CPSF7: variants seen among roughly 807,000 people sequenced by gnomAD.
CPSF7 encodes the protein cleavage and polyadenylation specificity factor subunit 7.
Under a neutral mutation model 44.3 loss-of-function variants are expected in CPSF7, and 1 was observed. That is an observed-to-expected ratio of 0.02 (90% CI 0.01 to 0.11). The LOEUF (loss-of-function observed/expected upper bound fraction) is 0.11, where lower values mean the gene tolerates loss of function less well. Among genes scored for constraint, CPSF7 ranks in the 10% least tolerant of loss-of-function variants. The probability of loss-of-function intolerance (pLI) is 1.00; values close to 1 mark genes in which losing one functional copy is unlikely to be tolerated. For synonymous variants in CPSF7, 202 were observed against 222.0 expected, an observed-to-expected ratio of 0.91 and a Z score of 0.80; for missense variants, 443 against 607.2, an observed-to-expected ratio of 0.73 and a Z score of 2.84.
chr11:61,409,395 C>T (rs925812270), intron 9 of CPSF7, among the ~76,000 whole-genome samples: 13 of 151,434 alleles, frequency 8.6e-5, no homozygotes, highest in African/African-American at 2.4e-4. Flanking sequence ...TGCTTGAACC[C>T]GGGAGGTGGA....
chr11:61,420,054 T>C lies in CPSF7; in HGVS notation c.418A>G (p.Lys140Glu). Reference protein sequence around the residue: ...VVVASENSVHKLLELLPGKVL... With the variant: ...VVVASENSVHELLELLPGKVL... ...TTCCCTGGTAGGAGTTCCAACAATT[T>C]GTGGACAGAGTTTTCAGAGGCTACC... Residue 140 changes from lysine (K) to glutamate (E), a missense_variant, in exon 5 of 10, where the codon AAA becomes GAA. By Grantham distance (56) the Lys-to-Glu change is moderately conservative (BLOSUM62 1). Coordinates refer to ENST00000439958, the MANE Select transcript of CPSF7 (RefSeq NM_001142565.3). The C allele has an allele frequency of 6.2e-7, 1 of 1,614,100 alleles. No individual in the cohort carries two copies. The highest frequency in any genetic ancestry group is 8.5e-7 in the Non-Finnish European group (1 of 1,179,956).
chr11:61,429,324 G>A (rs1449406987), intron 1 of CPSF7, 34 bp from the exon 2 acceptor site: 3 of 1,279,406 alleles, frequency 2.3e-6, no homozygotes, highest in South Asian at 2.4e-5. Context: ...GAATTAGAAG[G>A]CACGAGGGTC....
In CPSF7 at chr11:61,415,743, T is replaced by G. The variant is rs1428183529; in HGVS notation, c.980A>C (p.Glu327Ala). ...GTTTCGCTTCATGATATCTTCAAATTCGGCTTCACTCACTGTAGAGGGTGG... is the reference window on the plus strand; with the variant it reads ...GTTTCGCTTCATGATATCTTCAAATGCGGCTTCACTCACTGTAGAGGGTGG... ...GPPPSTVSEAEFEDIMKRNRA... is the reference protein window; with the variant it reads ...GPPPSTVSEAAFEDIMKRNRA... The change falls in exon 7 of 10, where the codon GAA (glutamate) becomes GCA (alanine). Residue 327 changes from glutamate (E) to alanine (A), a missense_variant. Transcript: ENST00000439958. 6.2e-7 allele frequency: 1 copy of G among 1,614,172 alleles called. No individual in the cohort carries two copies. Among genetic ancestry groups the G allele is most frequent in the Non-Finnish European group, 8.5e-7 (1 of 1,179,994 alleles).
Position 61,404,102 on chromosome 11 carries a change from A to G in CPSF7, c.*608T>C, listed in dbSNP as rs777387977. 1 of 152,674 alleles carries G rather than the reference A, an allele frequency of 6.5e-6. No homozygotes were observed. Among genetic ancestry groups the G allele is most frequent in the Non-Finnish European group, 1.5e-5 (1 of 68,058 alleles). 9.5% of individuals were successfully genotyped at this position (152,674 alleles called of 1,614,324 possible). ...GGGAGGTCAAAGAAATAAACCGTCA[A>G]TACGTGAGAGGGAAAGCAGGAACAG... On this transcript the variant is annotated 3_prime_UTR_variant, in exon 10 of 10. Coordinates refer to ENST00000439958, the MANE Select transcript of CPSF7 (RefSeq NM_001142565.3).
chr11:61,417,876 A>G (rs2135339330), intron 5 of CPSF7, among the ~76,000 whole-genome samples: 1 of 152,360 alleles, frequency 6.6e-6, no homozygotes, highest in Admixed American at 6.5e-5. Flanking sequence ...TTAGTGAATT[A>G]ACAGAGCCCA....
intron 2 of CPSF7, among the ~76,000 whole-genome samples, chr11:61,424,539 G>A (rs527359666): frequency 2.0e-5 from 3 of 152,096 alleles, no homozygotes; most frequent in Non-Finnish European, 4.4e-5. Context: ...TGCAACCTCC[G>A]CCTCCTGGGT....
intron 9 of CPSF7, 50 bp downstream of exon 9, chr11:61,410,885 ATCT>A: frequency 2.7e-6 from 4 of 1,505,334 alleles, no homozygotes; most frequent in Non-Finnish European, 3.6e-6. Context: ...TTCACTATAA[ATCT>A]TTTTTTAATA....
rs781654266 is a variant in CPSF7, at chr11:61,421,380, CCA to C, written c.273+8_273+9del. 2 of 1,612,812 alleles carry C rather than the reference CCA, an allele frequency of 1.2e-6. No homozygotes were observed. Among genetic ancestry groups the C allele is most frequent in the Non-Finnish European group, 1.7e-6 (2 of 1,179,004 alleles). ...CCCACCCCTAAGCATTTTTGGTTAC[CCA>C]CACTCACCCAGGAGAAGCTGCCCAC... is the stretch of plus-strand genomic sequence containing the variant. On this transcript the variant is annotated splice_region_variant and intron_variant, in intron 3 of 9. Coordinates refer to ENST00000439958, the MANE Select transcript of CPSF7 (RefSeq NM_001142565.3).
intron 3 of CPSF7, 38 bp from the exon 4 acceptor site, chr11:61,420,611 A>C: frequency 6.6e-7 from 1 of 1,517,198 alleles, no homozygotes; most frequent in Non-Finnish European, 9.2e-7. Flanking sequence ...AGATGTCAAG[A>C]GCTACACCCC....
chr11:61,429,347 G>A, intron 1 of CPSF7, 57 bp from the exon 2 acceptor site: 2 of 1,059,682 alleles, frequency 1.9e-6, no homozygotes, highest in South Asian at 1.3e-5. Context: ...GGGCTGGGAA[G>A]AGGGTAATGA....
At position 61,429,241 on chromosome 11, in the gene CPSF7, C is replaced by T. The variant is rs1190590597; in HGVS notation, c.-6G>A. The T allele has an allele frequency of 1.9e-6, 3 of 1,613,576 alleles. No homozygotes were observed. The highest frequency in any genetic ancestry group is 1.3e-5 in the African/African-American group (1 of 74,912). ...AAGTCCACTCCTTCTGACATGGCTC[C>T]GGAAGGAAGATCGCGAGTCCGGAGG... On this transcript the variant is annotated 5_prime_UTR_variant, in exon 2 of 10. Transcript: ENST00000439958.
chr11:61,419,854 GGC>G lies in CPSF7; in HGVS notation c.523+93_523+94del, dbSNP rs1345630854. ...CTCCCCCAAACTCACCCACACTGTA[GGC>G]TAAGCCTACACCATAGAAAACAAAC... On this transcript the variant is annotated intron_variant, in intron 5 of 9. Transcript: ENST00000439958. The G allele has an allele frequency of 7.4e-6, 11 of 1,493,718 alleles. No homozygotes were observed. The Admixed American group carries it at 2.2e-4, about 30-fold the overall frequency. 92.5% of individuals were successfully genotyped at this position (1,493,718 alleles called of 1,614,324 possible).
chr11:61,421,151 T>C, intron 3 of CPSF7: 4 of 1,425,744 alleles, frequency 2.8e-6, no homozygotes, highest in Non-Finnish European at 3.7e-6. Flanking sequence ...AGCCCCAGGG[T>C]CAGGGGCAGT....
chr11:61,428,240 G>A (rs534172273), intron 2 of CPSF7, among the ~76,000 whole-genome samples: 11 of 152,166 alleles, frequency 7.2e-5, no homozygotes, highest in Admixed American at 2.0e-4. Context: ...AGAGTGCAGC[G>A]GCCCAATCAT....
chr11:61,429,491 G>A lies in CPSF7; in HGVS notation c.-55-201C>T, dbSNP rs1384837085. The A allele has an allele frequency of 1.3e-5, 7 of 530,452 alleles. No homozygotes were observed. In the East Asian group the frequency reaches 2.1e-4, roughly 16 times the overall value. The allele number at this position is 530,452 out of a possible 1,614,324, so 32.9% of individuals were successfully genotyped here. On this transcript the variant is annotated intron_variant, in intron 1 of 9. Coordinates refer to ENST00000439958, the MANE Select transcript of CPSF7 (RefSeq NM_001142565.3). ...CGGGGGTCGCTGCCCATCACCCTCG[G>A]GCCCGACCCGGGTAGCGCCGCGTCT... is the stretch of plus-strand genomic sequence containing the variant.
chr11:61,403,050 G>T lies in CPSF7; in HGVS notation c.*1660C>A, dbSNP rs1859016166. 6.6e-6 allele frequency: 1 copy of T among 152,048 alleles called. No homozygotes were observed. The highest frequency in any genetic ancestry group is 2.4e-5 in the African/African-American group (1 of 41,298). 9.4% of individuals were successfully genotyped at this position (152,048 alleles called of 1,614,324 possible). ...TAACACTTGGCCAGTTGGGTGGGGT[G>T]CCATGTTCTGAAGTGGAGGTGGGGA... On this transcript the variant is annotated 3_prime_UTR_variant, in exon 10 of 10. Coordinates refer to ENST00000439958, the MANE Select transcript of CPSF7 (RefSeq NM_001142565.3).
chr11:61,429,349 G>A, intron 1 of CPSF7, 59 bp from the exon 2 acceptor site: 3 of 1,030,328 alleles, frequency 2.9e-6, no homozygotes, highest in South Asian at 2.5e-5. Flanking sequence ...GCTGGGAAGA[G>A]GGTAATGATT....
chr11:61,406,118 T>C (rs866934753), intron 9 of CPSF7: 3 of 152,208 alleles, frequency 2.0e-5, no homozygotes, highest in Non-Finnish European at 2.9e-5. Flanking sequence ...AGAGGATAAC[T>C]TGTACACCAA....
chr11:61,417,315 A>G (rs144313232), intron 5 of CPSF7, among the ~76,000 whole-genome samples: 301 of 152,280 alleles, frequency 2.0e-3, no homozygotes, highest in African/African-American at 6.8e-3. Context: ...CCATCACCAC[A>G]TGCTAGTATG....
Sources: allele counts gnomAD v4.1 joint callset (sites outside exome capture counted in the v4.1 genomes callset), GRCh38; gene constraint gnomAD v4.1.1; transcripts MANE v1.5; gene names NCBI Gene and HGNC (gene_info 2026-07-23, HGNC 2026-07-21).